The following C8orf34 variants were observed in gnomAD, a reference collection of about 807,000 sequenced individuals.
C8orf34 encodes chromosome 8 open reading frame 34, also known as uncharacterized protein C8orf34.
Under a neutral mutation model 68.3 loss-of-function variants are expected in C8orf34, and 65 were observed. The observed-to-expected ratio is 0.95, with a 90% CI of 0.78 to 1.17. The LOEUF (loss-of-function observed/expected upper bound fraction) is 1.17. Among genes scored for constraint, C8orf34 ranks in the 50% most tolerant of loss-of-function variants. C8orf34 has a pLI of 0.00. For synonymous variants in C8orf34, 244 were observed against 241.2 expected (o/e 1.01, Z -0.11); for missense variants, 664 against 655.4 (o/e 1.01, Z -0.14).
At chr8:68,430,768 A>T (rs888510499) in intron 1 of C8orf34, among the ~76,000 whole-genome samples, 87 of 152,156 alleles carry the variant, frequency 5.7e-4, no homozygotes, top group African/African-American at 2.0e-3. Flanking sequence ...CCTGTAGCTG[A>T]ATATTCTCTT....
At chr8:68,805,247 T>C (rs1273014568) in intron 12 of C8orf34, among the ~76,000 whole-genome samples, 1 of 152,222 alleles carries the variant, frequency 6.6e-6, no homozygotes, top group Admixed American at 6.5e-5. Flanking sequence ...ATCCAGTAAA[T>C]GACCAGCTTT....
intron 4 of C8orf34, among the ~76,000 whole-genome samples, chr8:68,470,386 G>A (rs553619880): frequency 5.9e-5 from 9 of 152,234 alleles, no homozygotes; most frequent in African/African-American, 1.9e-4. Context: ...CCTTTAAAAT[G>A]TGACACCTGC....
intron 1 of C8orf34, among the ~76,000 whole-genome samples, chr8:68,413,135 A>T (rs1809515076): frequency 6.6e-6 from 1 of 152,194 alleles, no homozygotes; most frequent in African/African-American, 2.4e-5. Flanking sequence ...ACAAATCTCA[A>T]GTGGCCAGAC....
At chr8:68,745,153 G>T (rs1387054407) in intron 10 of C8orf34, among the ~76,000 whole-genome samples, 1 of 152,016 alleles carries the variant, frequency 6.6e-6, no homozygotes, top group Non-Finnish European at 1.5e-5. Flanking sequence ...AAGTGAAGGA[G>T]AAATAAAATC....
intron 8 of C8orf34, among the ~76,000 whole-genome samples, chr8:68,699,207 T>C (rs1048578199): frequency 6.6e-6 from 1 of 151,534 alleles, no homozygotes; most frequent in South Asian, 2.1e-4. Flanking sequence ...AGGCCTTAAC[T>C]GCTTATGTCC....
At chr8:68,509,837 G>A (rs1283694607) in intron 5 of C8orf34, among the ~76,000 whole-genome samples, 2 of 152,130 alleles carry the variant, frequency 1.3e-5, no homozygotes, top group African/African-American at 4.8e-5. Flanking sequence ...GGCAGATGCT[G>A]TCATGGGTGT....
chr8:68,579,190 C>T (rs1179301920), intron 7 of C8orf34, among the ~76,000 whole-genome samples: 3 of 151,996 alleles, frequency 2.0e-5, no homozygotes, highest in Non-Finnish European at 4.4e-5. Context: ...ACTGCTTTTC[C>T]TCGGTTCATC....
At chr8:68,517,585 T>C (rs1814574251) in intron 5 of C8orf34, among the ~76,000 whole-genome samples, 1 of 152,226 alleles carries the variant, frequency 6.6e-6, no homozygotes, top group Admixed American at 6.5e-5. Flanking sequence ...ACACTGTTTA[T>C]TCTCTCTCTG....
At chr8:68,793,862 T>C (rs1327678086) in intron 12 of C8orf34, among the ~76,000 whole-genome samples, 1 of 152,138 alleles carries the variant, frequency 6.6e-6, no homozygotes, top group Non-Finnish European at 1.5e-5. Flanking sequence ...AAAAAAAGTA[T>C]TAATTTCCAA....
chr8:68,769,472 C>T (rs1823278759), intron 10 of C8orf34, among the ~76,000 whole-genome samples: 1 of 151,780 alleles, frequency 6.6e-6, no homozygotes, highest in Admixed American at 6.6e-5. Flanking sequence ...TCATTCATAG[C>T]ACTAAATTTC....
At chr8:68,583,850 G>A (rs532652526) in intron 7 of C8orf34, among the ~76,000 whole-genome samples, 30 of 152,034 alleles carry the variant, frequency 2.0e-4, no homozygotes, top group Admixed American at 1.4e-3. Flanking sequence ...TAAAATAGAC[G>A]TCATGGGACT....
At chr8:68,705,748 T>G (rs2130948968) in intron 8 of C8orf34, among the ~76,000 whole-genome samples, 1 of 151,386 alleles carries the variant, frequency 6.6e-6, no homozygotes, top group East Asian at 1.9e-4. Flanking sequence ...TTTTTAAGAC[T>G]GAAAGAGAAG....
chr8:68,524,589 A>G (rs890736768), intron 6 of C8orf34, among the ~76,000 whole-genome samples: 8 of 152,200 alleles, frequency 5.3e-5, no homozygotes, highest in Non-Finnish European at 8.8e-5. Context: ...CCGAACAGAG[A>G]GGTGAATGTG....
chr8:68,527,872 G>A lies in C8orf34; in HGVS notation c.939-5111G>A, dbSNP rs149621920. 6.7e-4 allele frequency among the ~76,000 whole-genome samples: 102 copies of A among 152,262 alleles called. 1 individual carries two copies. The East Asian group carries it at 0.017, about 26-fold the overall frequency. ...GAACACTCCTGCATCCCTGCAGCAG[G>A]CAGCTATTTTTTCTTAATGGTTGTA... On this transcript the variant is annotated intron_variant, in intron 6 of 13. Transcript: ENST00000518698.
intron 10 of C8orf34, among the ~76,000 whole-genome samples, chr8:68,770,019 A>G (rs533975080): frequency 6.6e-6 from 1 of 152,282 alleles, no homozygotes; most frequent in South Asian, 2.1e-4. Flanking sequence ...TAGATGGGGG[A>G]CAAGAGAGAA....
intron 1 of C8orf34, among the ~76,000 whole-genome samples, chr8:68,355,142 G>A (rs12542875): frequency 0.034 from 5,166 of 152,044 alleles, 156 homozygotes; most frequent in African/African-American, 0.082. Flanking sequence ...GCTTTCAGCC[G>A]TCTTTTTCTC....
At chr8:68,784,764 T>A (rs1823794253) in intron 11 of C8orf34, among the ~76,000 whole-genome samples, 2 of 151,902 alleles carry the variant, frequency 1.3e-5, no homozygotes, top group Admixed American at 6.6e-5. Context: ...TAGTCCCTTA[T>A]CTTTTTGACA....
intron 7 of C8orf34, chr8:68,534,485 C>A: frequency 1.7e-6 from 1 of 584,544 alleles, no homozygotes; most frequent in South Asian, 7.5e-5. Context: ...ACGTCACTAC[C>A]TGTGCTAACT....
intron 1 of C8orf34, among the ~76,000 whole-genome samples, chr8:68,372,078 G>A (rs1807586763): frequency 6.6e-6 from 1 of 152,162 alleles, no homozygotes; most frequent in South Asian, 2.1e-4. Flanking sequence ...ATTTCCACTG[G>A]CAAAGAGTTT....
Sources: allele counts gnomAD v4.1 joint callset (sites outside exome capture counted in the v4.1 genomes callset), GRCh38; gene constraint gnomAD v4.1.1; transcripts MANE v1.5; gene names NCBI Gene and HGNC (gene_info 2026-07-23, HGNC 2026-07-21).